Variants in ATP8A2 observed in about 807,000 individuals in gnomAD.
The protein encoded by ATP8A2 is phospholipid-transporting ATPase IB.
Under a neutral mutation model 165.6 loss-of-function variants are expected in ATP8A2, and 100 were observed. That is an observed-to-expected ratio of 0.60 (90% CI 0.51 to 0.71). The LOEUF is 0.71. Ranked by LOEUF, ATP8A2 falls within the 30% of genes least tolerant of loss-of-function variation. The probability of loss-of-function intolerance (pLI) is 0.00; values close to 1 mark genes in which losing one functional copy is unlikely to be tolerated. For synonymous variants in ATP8A2, 543 were observed against 548.8 expected (o/e 0.99, Z 0.15); for missense variants, 1,227 against 1,479.5 (o/e 0.83, Z 2.80).
chr13:25,555,391 T>C (rs1181402439), intron 13 of ATP8A2, among the ~76,000 whole-genome samples: 2 of 152,116 alleles, frequency 1.3e-5, no homozygotes, highest in African/African-American at 4.8e-5. Flanking sequence ...AAACGATGGC[T>C]GAGATACTTA....
At position 26,013,310 on chromosome 13, in the gene ATP8A2, T is replaced by A. The variant is rs1039638317; in HGVS notation, c.3469+688T>A. On this transcript the variant is annotated intron_variant, in intron 36 of 36. Transcript: ENST00000381655. Reference sequence around the variant, plus strand: ...ACCCCCATCACGTGCACACGCCAGCTTTTCCTCCCATACTTACTCCCTGCC... The same window carrying A: ...ACCCCCATCACGTGCACACGCCAGCATTTCCTCCCATACTTACTCCCTGCC... Among the ~76,000 whole-genome samples the A allele has an allele frequency of 2.0e-5, 3 of 152,032 alleles. No individual in the cohort carries two copies. In the East Asian group the frequency reaches 5.8e-4, roughly 29 times the overall value.
At chr13:25,653,069 G>A (rs1486146971) in intron 24 of ATP8A2, among the ~76,000 whole-genome samples, 4 of 152,162 alleles carry the variant, frequency 2.6e-5, no homozygotes, top group African/African-American at 4.8e-5. Flanking sequence ...GATTGTAAAC[G>A]TCTTCAGGTC....
At chr13:25,845,644 T>G (rs1473104528) in intron 30 of ATP8A2, among the ~76,000 whole-genome samples, 1 of 152,180 alleles carries the variant, frequency 6.6e-6, no homozygotes, top group Non-Finnish European at 1.5e-5. Context: ...TATACTGAAA[T>G]AGTAGTGCAC....
intron 1 of ATP8A2, among the ~76,000 whole-genome samples, chr13:25,461,747 A>G (rs963728508): frequency 6.6e-6 from 1 of 152,168 alleles, no homozygotes; most frequent in Non-Finnish European, 1.5e-5. Context: ...TGTGAATTGC[A>G]AAAGAACTTA....
At chr13:25,663,431 A>G (rs887901052) in intron 24 of ATP8A2, among the ~76,000 whole-genome samples, 4 of 152,170 alleles carry the variant, frequency 2.6e-5, no homozygotes, top group African/African-American at 4.8e-5. Flanking sequence ...CAGCTTTGCA[A>G]TTAAAATGAA....
chr13:25,686,021 A>C (rs2042593981), intron 24 of ATP8A2, among the ~76,000 whole-genome samples: 1 of 152,184 alleles, frequency 6.6e-6, no homozygotes, highest in Admixed American at 6.5e-5. Context: ...ACAGAAAGGA[A>C]GAAGAATGAT....
chr13:25,687,870 T>C (rs2042635943), intron 24 of ATP8A2, among the ~76,000 whole-genome samples: 1 of 152,156 alleles, frequency 6.6e-6, no homozygotes, highest in African/African-American at 2.4e-5. Context: ...TTCCAGTCCA[T>C]CTTCCATACT....
intron 36 of ATP8A2, among the ~76,000 whole-genome samples, chr13:26,013,529 C>G (rs375917232): frequency 1.8e-4 from 27 of 152,218 alleles, no homozygotes; most frequent in African/African-American, 6.5e-4. Context: ...ACAAAATTAG[C>G]TGGGCGTGAC....
At chr13:25,469,853 T>C (rs890686878) in intron 2 of ATP8A2, among the ~76,000 whole-genome samples, 2 of 152,234 alleles carry the variant, frequency 1.3e-5, no homozygotes, top group African/African-American at 4.8e-5. Context: ...TTTTCTGCTG[T>C]GCAAAGCTAG....
In ATP8A2 at chr13:25,896,009, A is replaced by G. The variant is rs566315993; in HGVS notation, c.3183+33601A>G. On this transcript the variant is annotated intron_variant, in intron 33 of 36. Coordinates refer to ENST00000381655, the MANE Select transcript of ATP8A2 (RefSeq NM_016529.6). Reference sequence around the variant, plus strand: ...GCTCCTGGATTCATTGATTTTTTGAAGGGTTTTTTGTGTCTCTATTTCCTT... The same window carrying G: ...GCTCCTGGATTCATTGATTTTTTGAGGGGTTTTTTGTGTCTCTATTTCCTT... Among the ~76,000 whole-genome samples the G allele has an allele frequency of 5.9e-4, 90 of 152,244 alleles. 3 individuals carry two copies. Among genetic ancestry groups the G allele is most frequent in the African/African-American group, 2.0e-3 (84 of 41,546 alleles).
Position 25,556,341 on chromosome 13 carries a change from T to C in ATP8A2, c.1263+1273T>C, listed in dbSNP as rs146409276. Among the ~76,000 whole-genome samples, 246 of 152,350 alleles carry C rather than the reference T, an allele frequency of 1.6e-3. 2 individuals are homozygous for C. The highest frequency in any genetic ancestry group is 5.6e-3 in the African/African-American group (231 of 41,582). On this transcript the variant is annotated intron_variant, in intron 13 of 36. Coordinates refer to ENST00000381655, the MANE Select transcript of ATP8A2 (RefSeq NM_016529.6). ...GTGAGATGGTATCTCATTGTGGTTT[T>C]GATTTGCACTCCTCTGATGATTAGT...
At chr13:25,437,861 A>C (rs1372205400) in intron 1 of ATP8A2, among the ~76,000 whole-genome samples, 1 of 152,186 alleles carries the variant, frequency 6.6e-6, no homozygotes, top group Non-Finnish European at 1.5e-5. Flanking sequence ...GATATCCTGG[A>C]ATCTTTATAA....
chr13:25,939,587 A>G (rs983104359), intron 33 of ATP8A2, among the ~76,000 whole-genome samples: 18 of 146,950 alleles, frequency 1.2e-4, no homozygotes, highest in Non-Finnish European at 2.5e-4. Flanking sequence ...CAATGTGGAG[A>G]CTCCTCTGTT....
chr13:25,936,619 G>A (rs143009485), intron 33 of ATP8A2, among the ~76,000 whole-genome samples: 3 of 152,312 alleles, frequency 2.0e-5, no homozygotes, highest in South Asian at 2.1e-4. Context: ...ATCATGGCAC[G>A]TAAGCATCCG....
chr13:25,970,566 C>T (rs1020716676), intron 35 of ATP8A2, among the ~76,000 whole-genome samples: 9 of 152,318 alleles, frequency 5.9e-5, no homozygotes, highest in Admixed American at 3.9e-4. Context: ...TGCTACCTAC[C>T]GGTGAGGCCT....
intron 25 of ATP8A2, among the ~76,000 whole-genome samples, chr13:25,762,417 G>A (rs570309825): frequency 2.0e-5 from 3 of 152,146 alleles, no homozygotes; most frequent in Non-Finnish European, 4.4e-5. Context: ...AGGACAAGTG[G>A]GCTGTTTTTA....
chr13:25,619,558 A>T (rs918221437), intron 24 of ATP8A2, among the ~76,000 whole-genome samples: 1 of 152,230 alleles, frequency 6.6e-6, no homozygotes. Flanking sequence ...CCCTAGGGAT[A>T]TCTGTGGAGA....
intron 30 of ATP8A2, among the ~76,000 whole-genome samples, chr13:25,849,755 T>C (rs1198913869): frequency 6.6e-6 from 1 of 152,198 alleles, no homozygotes; most frequent in African/African-American, 2.4e-5. Flanking sequence ...TCATGACTGA[T>C]AGGAGTCTGG....
chr13:25,413,407 G>A (rs984516311), intron 1 of ATP8A2, among the ~76,000 whole-genome samples: 3 of 149,332 alleles, frequency 2.0e-5, no homozygotes, highest in South Asian at 2.1e-4. Flanking sequence ...TCAGCCTCCC[G>A]GGTAGCTGGG....
Sources: gnomAD v4.1 joint callset for allele counts (sites outside exome capture counted in the v4.1 genomes callset) on GRCh38, gnomAD v4.1.1 for gene constraint, MANE v1.5 for transcripts, NCBI Gene and HGNC (gene_info 2026-07-23, HGNC 2026-07-21) for gene names.